PCDHA3: variants seen among roughly 807,000 people sequenced by gnomAD.
The protein encoded by PCDHA3 is protocadherin alpha-3.
A neutral mutation model predicts 62.2 loss-of-function variants in PCDHA3; 41 were observed. The observed-to-expected ratio is 0.66, with a 90% CI of 0.51 to 0.86. The LOEUF is 0.86. Ranked by LOEUF, PCDHA3 falls within the 40% of genes least tolerant of loss-of-function variation. The pLI is 0.00. For missense variants in PCDHA3, 1,304 were observed against 1,241.2 expected, an observed-to-expected ratio of 1.05 and a Z score of -0.76; for synonymous variants, 640 against 555.4, an observed-to-expected ratio of 1.15 and a Z score of -2.14.
rs1465290845 is a variant in PCDHA3 at position 140,801,850 on chromosome 5, G to A, written c.653G>A (p.Gly218Glu). 1 of 1,614,022 alleles carries A rather than the reference G, an allele frequency of 6.2e-7. No individual in the cohort carries two copies. Among genetic ancestry groups the A allele is most frequent in the Non-Finnish European group, 8.5e-7 (1 of 1,180,020 alleles). The change falls in exon 1 of 4, where the codon GGG becomes GAG. Residue 218 changes from glycine (G) to glutamate (E), a missense_variant. Gly to Glu is a moderately conservative substitution (Grantham distance 98, BLOSUM62 -2). Coordinates refer to ENST00000522353, the MANE Select transcript of PCDHA3 (RefSeq NM_018906.3). ...HYLLITAIDG[G>E]KPELTGTTQL... ...TTACTAATAACAGCAATTGATGGTG[G>A]GAAACCAGAGCTCACTGGCACGACT...
At chr5:140,978,896 G>T in intron 1 of PCDHA3, 53 bp from the exon 2 acceptor site, 1 of 1,612,808 alleles carries the variant, frequency 6.2e-7, no homozygotes, top group South Asian at 1.1e-5. Context: ...CAGCATTCCT[G>T]GGAGAACATT....
At chr5:140,975,010 C>T (rs2096649304) in intron 1 of PCDHA3, among the ~76,000 whole-genome samples, 1 of 152,182 alleles carries the variant, frequency 6.6e-6, no homozygotes, top group Admixed American at 6.5e-5. Context: ...GAAATGAACA[C>T]AGCTGGGCTG....
chr5:140,809,002 G>T (rs1764330578), intron 1 of PCDHA3: 1 of 1,613,678 alleles, frequency 6.2e-7, no homozygotes, highest in Non-Finnish European at 8.5e-7. Flanking sequence ...GCTACAACGC[G>T]TGGCTTTCGT....
chr5:140,952,157 T>TG (rs771517820), intron 1 of PCDHA3, among the ~76,000 whole-genome samples: 33 of 152,162 alleles, frequency 2.2e-4, no homozygotes, highest in Non-Finnish European at 4.3e-4. Flanking sequence ...TGTGGCTTTG[T>TG]GGGGTTCAGT....
At chr5:140,896,583 G>A (rs557774521) in intron 1 of PCDHA3, among the ~76,000 whole-genome samples, 1 of 151,770 alleles carries the variant, frequency 6.6e-6, no homozygotes, top group South Asian at 2.1e-4. Context: ...TGACGTGTTG[G>A]CCAGGCTGGT....
At chr5:140,973,375 C>A (rs2096584404) in intron 1 of PCDHA3, among the ~76,000 whole-genome samples, 1 of 152,182 alleles carries the variant, frequency 6.6e-6, no homozygotes, top group Admixed American at 6.5e-5. Context: ...GCACAATGGT[C>A]AGAATAGACA....
At chr5:140,950,872 T>C (rs782492363) in intron 1 of PCDHA3, among the ~76,000 whole-genome samples, 14 of 152,210 alleles carry the variant, frequency 9.2e-5, no homozygotes, top group Middle Eastern at 3.4e-3. Context: ...ATATTCTATA[T>C]TGTTCAATAG....
At position 140,843,977 on chromosome 5, in the gene PCDHA3, C is replaced by A. The variant is rs1357233460; in HGVS notation, c.2394+40386C>A. Reference sequence around the variant, plus strand: ...TTTACTGAATATTTATTTTGGCCTGCCTTACAGCCGTCTTCTCTGAACAAT... The same window carrying A: ...TTTACTGAATATTTATTTTGGCCTGACTTACAGCCGTCTTCTCTGAACAAT... On this transcript the variant is annotated intron_variant, in intron 1 of 3. Transcript: ENST00000522353. Among the ~76,000 whole-genome samples the A allele has an allele frequency of 1.3e-5, 2 of 149,352 alleles. 1 individual carries two copies.
chr5:140,858,038 G>A, intron 1 of PCDHA3: 1 of 1,596,684 alleles, frequency 6.3e-7, no homozygotes, highest in East Asian at 2.2e-5. Context: ...CACGGCCACT[G>A]TGCTTGTGTC....
intron 1 of PCDHA3, chr5:140,877,428 G>A: frequency 6.2e-7 from 1 of 1,613,886 alleles, no homozygotes; most frequent in Non-Finnish European, 8.5e-7. Flanking sequence ...TGCTGGTGAA[G>A]GACCACGGTG....
In PCDHA3 at chr5:140,801,081, C is replaced by T. The variant is rs1274871111; in HGVS notation, c.-117C>T. On this transcript the variant is annotated 5_prime_UTR_variant, in exon 1 of 4. Transcript: ENST00000522353. ...CATTACGTATTCAGATACTGCTTTG[C>T]TTCATCCTCTCTAAAATTTAACACC... 8.1e-6 allele frequency: 12 copies of T among 1,482,502 alleles called. No individual in the cohort carries two copies. Among genetic ancestry groups the T allele is most frequent in the South Asian group, 1.4e-5 (1 of 70,904 alleles). The allele number at this position is 1,482,502 out of a possible 1,614,324, so 91.8% of individuals were successfully genotyped here.
At chr5:140,977,351 AT>A (rs2096757742) in intron 1 of PCDHA3, among the ~76,000 whole-genome samples, 1 of 152,348 alleles carries the variant, frequency 6.6e-6, no homozygotes, top group Non-Finnish European at 1.5e-5. Context: ...ATGATGACTG[AT>A]TGATAAAAAG....
chr5:140,854,753 A>G (rs1305589005), intron 1 of PCDHA3: 1 of 149,806 alleles, frequency 6.7e-6, no homozygotes, highest in Non-Finnish European at 1.5e-5. Context: ...GATATATTAC[A>G]TTTTCATTCC....
chr5:140,966,714 G>C, intron 1 of PCDHA3: 1 of 1,394,064 alleles, frequency 7.2e-7, no homozygotes, highest in South Asian at 1.6e-5. Flanking sequence ...GGCACGGCTG[G>C]GGAAGCTGCC....
At chr5:140,835,644 T>C (rs1554135160) in intron 1 of PCDHA3, 6 of 1,613,948 alleles carry the variant, frequency 3.7e-6, no homozygotes, top group Non-Finnish European at 4.2e-6. Flanking sequence ...TGTGTCCGCC[T>C]ATGAGCTGGT....
intron 1 of PCDHA3, chr5:140,870,781 A>T: frequency 2.5e-6 from 4 of 1,613,654 alleles, no homozygotes; most frequent in Non-Finnish European, 3.4e-6. Flanking sequence ...CGAGAACGAC[A>T]ACGCGCCGGC....
At chr5:140,841,400 G>C (rs1777194245) in intron 1 of PCDHA3, 1 of 1,613,096 alleles carries the variant, frequency 6.2e-7, no homozygotes, top group Admixed American at 1.7e-5. Context: ...CTGGAAGGTG[G>C]GGAGCGGCCA....
Position 140,869,318 on chromosome 5 carries a change from G to C in PCDHA3, c.2394+65727G>C, listed in dbSNP as rs1373742506. ...TTCCGGGTGGCGTCCAAAACACATG[G>C]GGACCTTCTGGAGGTAAATCTGCAG... On this transcript the variant is annotated intron_variant, in intron 1 of 3. Coordinates refer to ENST00000522353, the MANE Select transcript of PCDHA3 (RefSeq NM_018906.3). 3 of 1,613,688 alleles carry C rather than the reference G, an allele frequency of 1.9e-6. No individual in the cohort carries two copies. Among genetic ancestry groups the C allele is most frequent in the Non-Finnish European group, 2.5e-6 (3 of 1,180,020 alleles).
chr5:140,824,173 A>G, intron 1 of PCDHA3: 2 of 1,610,342 alleles, frequency 1.2e-6, no homozygotes, highest in Non-Finnish European at 1.7e-6. Flanking sequence ...CCAATTTTCA[A>G]ATATTAAATG....
Sources: allele counts gnomAD v4.1 joint callset (sites outside exome capture counted in the v4.1 genomes callset), GRCh38; gene constraint gnomAD v4.1.1; transcripts MANE v1.5; gene names NCBI Gene and HGNC (gene_info 2026-07-23, HGNC 2026-07-21).